Variants in ST8SIA1 observed in about 807,000 individuals in gnomAD.
ST8SIA1 encodes alpha-N-acetylneuraminide alpha-2,8-sialyltransferase.
Under a neutral mutation model 35.9 loss-of-function variants are expected in ST8SIA1, and 16 were observed. That is an observed-to-expected ratio of 0.45 (90% CI 0.30 to 0.68). The LOEUF (loss-of-function observed/expected upper bound fraction) is 0.68. ST8SIA1 is among the 30% of genes least tolerant of loss of function. The pLI, the probability that ST8SIA1 is intolerant of heterozygous loss-of-function variation, is 0.09. For synonymous variants in ST8SIA1, 170 were observed against 169.6 expected, an observed-to-expected ratio of 1.00 and a Z score of -0.02; for missense variants, 383 against 453.6, an observed-to-expected ratio of 0.84 and a Z score of 1.41.
At chr12:22,250,309 T>C (rs1292966864) in intron 3 of ST8SIA1, among the ~76,000 whole-genome samples, 2 of 152,252 alleles carry the variant, frequency 1.3e-5, no homozygotes, top group Non-Finnish European at 2.9e-5. Flanking sequence ...TCTTGAATTG[T>C]TGTTAAGGAC....
At chr12:22,325,455 C>T (rs1418213232) in intron 1 of ST8SIA1, 2 of 701,888 alleles carry the variant, frequency 2.8e-6, no homozygotes, top group East Asian at 2.7e-5. Flanking sequence ...CATGCAATGC[C>T]ACAGCTAGAA....
At chr12:22,262,436 C>T (rs964742964) in intron 2 of ST8SIA1, among the ~76,000 whole-genome samples, 1 of 152,144 alleles carries the variant, frequency 6.6e-6, no homozygotes, top group African/African-American at 2.4e-5. Context: ...TGGGACTCCA[C>T]CCCCAACCCT....
rs536608212 is a variant in ST8SIA1 at position 22,235,041 on chromosome 12, G to T, written c.584+13965C>A. On this transcript the variant is annotated intron_variant, in intron 4 of 4. Coordinates refer to ENST00000396037, the MANE Select transcript of ST8SIA1 (RefSeq NM_003034.4). ...CTCATTAGTGTGTGTATGTGCACGT[G>T]TGTGAGCGCATGTATTGTGTGTGTG... Among the ~76,000 whole-genome samples the T allele has an allele frequency of 1.8e-4, 27 of 152,282 alleles. No homozygotes were observed. The East Asian group carries it at 4.4e-3, about 25-fold the overall frequency.
intron 2 of ST8SIA1, among the ~76,000 whole-genome samples, chr12:22,268,110 T>C (rs765077028): frequency 6.6e-6 from 1 of 152,234 alleles, no homozygotes; most frequent in Non-Finnish European, 1.5e-5. Context: ...TAACTCTTAG[T>C]GTCTCCAGAG....
chr12:22,232,532 A>T (rs1565573096), intron 4 of ST8SIA1, among the ~76,000 whole-genome samples: 2 of 152,206 alleles, frequency 1.3e-5, no homozygotes, highest in African/African-American at 2.4e-5. Flanking sequence ...TGATATTCAT[A>T]TTACATATCC....
chr12:22,281,121 C>G (rs894107179), intron 2 of ST8SIA1, among the ~76,000 whole-genome samples: 3 of 152,028 alleles, frequency 2.0e-5, no homozygotes, highest in Non-Finnish European at 4.4e-5. Context: ...AATGCCAAGG[C>G]AATGCTAAAG....
intron 4 of ST8SIA1, among the ~76,000 whole-genome samples, chr12:22,215,234 T>A (rs561794026): frequency 6.6e-6 from 1 of 152,322 alleles, no homozygotes; most frequent in East Asian, 1.9e-4. Flanking sequence ...TTTCCTTCTC[T>A]CAATGACTGA....
chr12:22,257,132 T>C (rs1249416353), intron 2 of ST8SIA1, among the ~76,000 whole-genome samples: 3 of 152,186 alleles, frequency 2.0e-5, no homozygotes, highest in Admixed American at 6.5e-5. Flanking sequence ...GTGGGTCAGA[T>C]GGTGACACGA....
At chr12:22,218,643 A>G (rs928696371) in intron 4 of ST8SIA1, among the ~76,000 whole-genome samples, 6 of 151,640 alleles carry the variant, frequency 4.0e-5, no homozygotes, top group Non-Finnish European at 5.9e-5. Context: ...AAATACAAAA[A>G]GTAGCCAGGC....
At position 22,201,395 on chromosome 12, in the gene ST8SIA1, C is replaced by G. The variant is rs1378724436; in HGVS notation, c.*157G>C. On this transcript the variant is annotated 3_prime_UTR_variant, in exon 5 of 5. Transcript: ENST00000396037. Reference sequence around the variant, plus strand: ...ATTTCTTATTTGTCCTCCAAGCCAACGCTGAAAGTAAAGTTTTGCTTGGAT... The same window carrying G: ...ATTTCTTATTTGTCCTCCAAGCCAAGGCTGAAAGTAAAGTTTTGCTTGGAT... 12 of 999,380 alleles carry G rather than the reference C, an allele frequency of 1.2e-5. No individual in the cohort carries two copies. The highest frequency in any genetic ancestry group is 1.6e-5 in the African/African-American group (1 of 61,626). 61.9% of individuals were successfully genotyped at this position (999,380 alleles called of 1,614,324 possible). A position where few individuals can be genotyped will look rare whatever the true frequency, so the allele number is the denominator to read the frequency against.
intron 4 of ST8SIA1, among the ~76,000 whole-genome samples, chr12:22,245,424 TAC>T (rs1239829451): frequency 1.3e-5 from 2 of 152,252 alleles, no homozygotes; most frequent in Non-Finnish European, 2.9e-5. Context: ...GGAATTGGTG[TAC>T]ACATATTGAT....
chr12:22,218,463 C>G (rs1023660093), intron 4 of ST8SIA1, among the ~76,000 whole-genome samples: 2 of 151,362 alleles, frequency 1.3e-5, no homozygotes, highest in African/African-American at 2.4e-5. Context: ...ATAAAAAATA[C>G]AAAAATTAGC....
At chr12:22,285,220 A>T (rs1866083474) in intron 2 of ST8SIA1, among the ~76,000 whole-genome samples, 2 of 152,206 alleles carry the variant, frequency 1.3e-5, no homozygotes, top group Admixed American at 1.3e-4. Flanking sequence ...GAGGAGGAGA[A>T]TTGGAACTCA....
At chr12:22,332,848 C>T (rs1329928686) in intron 1 of ST8SIA1, among the ~76,000 whole-genome samples, 3 of 151,712 alleles carry the variant, frequency 2.0e-5, no homozygotes, top group African/African-American at 7.3e-5. Context: ...TACATTAGAA[C>T]TCACCTGCCC....
chr12:22,244,979 A>C (rs765516702), intron 4 of ST8SIA1, among the ~76,000 whole-genome samples: 2 of 152,154 alleles, frequency 1.3e-5, no homozygotes, highest in Non-Finnish European at 2.9e-5. Context: ...GGAGTAGCCT[A>C]TTCTCTTTCA....
intron 3 of ST8SIA1, 73 bp downstream of exon 3, chr12:22,255,207 A>C: frequency 1.6e-6 from 2 of 1,227,686 alleles, no homozygotes; most frequent in South Asian, 2.4e-5. Context: ...AGTTTTGAAA[A>C]GCCCCAGGGC....
At chr12:22,250,483 A>G (rs774012518) in intron 3 of ST8SIA1, among the ~76,000 whole-genome samples, 2 of 152,168 alleles carry the variant, frequency 1.3e-5, no homozygotes, top group Non-Finnish European at 2.9e-5. Flanking sequence ...GCTTTCTTTT[A>G]TTACTGAGTC....
chr12:22,332,862 C>T (rs1285453434), intron 1 of ST8SIA1, among the ~76,000 whole-genome samples: 1 of 143,748 alleles, frequency 7.0e-6, no homozygotes, highest in Non-Finnish European at 1.5e-5. Flanking sequence ...CCTGCCCTTG[C>T]ACTGATTAGA....
chr12:22,200,409 T>C lies in ST8SIA1; in HGVS notation c.*1143A>G, dbSNP rs1397473088. On this transcript the variant is annotated 3_prime_UTR_variant, in exon 5 of 5. Coordinates refer to ENST00000396037, the MANE Select transcript of ST8SIA1 (RefSeq NM_003034.4). The stretch of plus-strand genomic sequence containing the variant: ...TGAGCTTTGTTTAACTTTGTGTGTG[T>C]GTATGTGTGTCTACATGTATGCATA... 1.3e-5 allele frequency: 2 copies of C among 152,222 alleles called. No individual in the cohort carries two copies. Among genetic ancestry groups the C allele is most frequent in the East Asian group, 3.8e-4 (2 of 5,202 alleles). 9.4% of individuals were successfully genotyped at this position (152,222 alleles called of 1,614,324 possible).
Sources: gnomAD v4.1 joint callset for allele counts (sites outside exome capture counted in the v4.1 genomes callset) on GRCh38, gnomAD v4.1.1 for gene constraint, MANE v1.5 for transcripts, NCBI Gene and HGNC (gene_info 2026-07-23, HGNC 2026-07-21) for gene names.